ROBO2: variants seen among roughly 807,000 people sequenced by gnomAD.
ROBO2 encodes roundabout homolog 2.
ROBO2 carries 53 observed loss-of-function variants against 160.8 expected under a neutral mutation model. The ratio of observed to expected loss-of-function variants is 0.33; its 90% CI spans 0.26 to 0.41. The LOEUF (loss-of-function observed/expected upper bound fraction) is 0.41, where lower values mean the gene tolerates loss of function less well. ROBO2 is among the 10% of genes least tolerant of loss of function. The pLI is 1.00. For synonymous variants in ROBO2, 664 were observed against 611.7 expected (o/e 1.09, Z -1.26); for missense variants, 1,577 against 1,722.4 (o/e 0.92, Z 1.49).
rs1178064382 is a variant in ROBO2 at position 76,887,193 on chromosome 3, C to CCTTTTTTTTTTTTTT, written c.110-210821_110-210820insCTTTTTTTTTTTTTT. ...ATTGCCCTGCCTTTGCTTCAGGAAG[C>CCTTTTTTTTTTTTTT]ATTTTTTTTTTTTTTTTTTTTTTTT... On this transcript the variant is annotated intron_variant, in intron 2 of 26. Transcript: ENST00000487694. Among the ~76,000 whole-genome samples the CCTTTTTTTTTTTTTT allele has an allele frequency of 5.7e-4, 69 of 120,412 alleles. 6 individuals are homozygous for CCTTTTTTTTTTTTTT. Among genetic ancestry groups the CCTTTTTTTTTTTTTT allele is most frequent in the East Asian group, 1.3e-3 (5 of 3,824 alleles). The allele number at this position is 120,412 out of a possible 152,430, so 79.0% of individuals were successfully genotyped here.
At chr3:77,438,271 G>A (rs1389317643) in intron 2 of ROBO2, among the ~76,000 whole-genome samples, 4 of 151,760 alleles carry the variant, frequency 2.6e-5, no homozygotes, top group Non-Finnish European at 5.9e-5. Context: ...GTTGACCTCT[G>A]AGAGGGATGA....
exon 7 of ROBO2, chr3:77,546,405 C>G: frequency 6.2e-7 from 1 of 1,613,398 alleles, no homozygotes; most frequent in Non-Finnish European, 8.5e-7. Context: ...TGACATTTCC[C>G]TGTGAAACTA....
intron 2 of ROBO2, among the ~76,000 whole-genome samples, chr3:76,209,183 T>C (rs1702989847): frequency 6.6e-6 from 1 of 152,208 alleles, no homozygotes; most frequent in Admixed American, 6.5e-5. Context: ...GGGCAATTGA[T>C]GCCCAGTCCC....
intron 13 of ROBO2, among the ~76,000 whole-genome samples, chr3:77,570,463 C>A (rs915657097): frequency 1.3e-5 from 2 of 151,902 alleles, no homozygotes; most frequent in African/African-American, 4.8e-5. Context: ...TTTTTCAGAG[C>A]AGAGTGTCTA....
intron 1 of ROBO2, among the ~76,000 whole-genome samples, chr3:75,925,213 T>C (rs1175657129): frequency 6.6e-6 from 1 of 151,748 alleles, no homozygotes; most frequent in Admixed American, 6.6e-5. Flanking sequence ...GGCAACATGG[T>C]GAAACCCCAT....
intron 16 of ROBO2, among the ~76,000 whole-genome samples, chr3:77,584,691 T>C (rs2093998254): frequency 6.6e-6 from 1 of 152,036 alleles, no homozygotes; most frequent in South Asian, 2.1e-4. Context: ...TTCTCTTTCT[T>C]AATTAGTCAT....
intron 2 of ROBO2, among the ~76,000 whole-genome samples, chr3:76,733,274 G>A (rs1001029656): frequency 4.6e-5 from 7 of 152,150 alleles, no homozygotes; most frequent in African/African-American, 1.2e-4. Context: ...GGGAGATTAC[G>A]TCAACTGAAC....
At chr3:76,178,394 TA>T (rs910956123) in intron 2 of ROBO2, among the ~76,000 whole-genome samples, 2 of 152,176 alleles carry the variant, frequency 1.3e-5, no homozygotes, top group African/African-American at 4.8e-5. Context: ...GGAGAGGCGA[TA>T]AGAAGACTTG....
At position 77,439,326 on chromosome 3, in the gene ROBO2, T is replaced by C. The variant is rs138402370; in HGVS notation, c.389-38088T>C. Reference sequence around the variant, plus strand: ...ATCAACTTTGCTCAGGATTTGAACATGATGATCAAGGAAATATATTTAAAA... The same window carrying C: ...ATCAACTTTGCTCAGGATTTGAACACGATGATCAAGGAAATATATTTAAAA... On this transcript the variant is annotated intron_variant, in intron 2 of 25. Transcript: ENST00000461745. 3.3e-3 allele frequency among the ~76,000 whole-genome samples: 495 copies of C among 152,122 alleles called. 5 individuals are homozygous for C. Among genetic ancestry groups the C allele is most frequent in the African/African-American group, 0.011 (471 of 41,518 alleles).
At chr3:76,246,679 G>A (rs941487326) in intron 2 of ROBO2, among the ~76,000 whole-genome samples, 1 of 152,044 alleles carries the variant, frequency 6.6e-6, no homozygotes, top group African/African-American at 2.4e-5. Context: ...AACTAGAAAA[G>A]GATTTATTTT....
chr3:76,731,805 T>C (rs2093641711), intron 2 of ROBO2, among the ~76,000 whole-genome samples: 1 of 152,198 alleles, frequency 6.6e-6, no homozygotes, highest in Non-Finnish European at 1.5e-5. Context: ...GGACGATGTC[T>C]TAGGAATTCA....
intron 2 of ROBO2, among the ~76,000 whole-genome samples, chr3:77,135,408 AT>A (rs925888147): frequency 4.0e-5 from 6 of 151,194 alleles, no homozygotes; most frequent in South Asian, 2.1e-4. Context: ...AATTTAATTA[AT>A]TTTTTTTTAG....
intron 2 of ROBO2, among the ~76,000 whole-genome samples, chr3:77,170,633 T>G (rs1424695337): frequency 6.6e-6 from 1 of 152,148 alleles, no homozygotes; most frequent in Non-Finnish European, 1.5e-5. Flanking sequence ...GGTCCTATTT[T>G]GCCCTAATTA....
intron 8 of ROBO2, among the ~76,000 whole-genome samples, chr3:77,553,091 G>C (rs2092978110): frequency 6.6e-6 from 1 of 151,940 alleles, no homozygotes; most frequent in African/African-American, 2.4e-5. Flanking sequence ...AAACAAGTCT[G>C]TTGGTGCCAT....
intron 2 of ROBO2, among the ~76,000 whole-genome samples, chr3:75,981,737 A>G (rs1326333061): frequency 1.3e-5 from 2 of 151,368 alleles, no homozygotes; most frequent in African/African-American, 4.8e-5. Context: ...TGGGGTATCC[A>G]TTCCCTAAGC....
chr3:76,310,569 T>C (rs1359587879), intron 2 of ROBO2, among the ~76,000 whole-genome samples: 2 of 152,220 alleles, frequency 1.3e-5, no homozygotes, highest in Admixed American at 6.5e-5. Flanking sequence ...TATGAATCAT[T>C]AGTGCCGATG....
chr3:76,291,649 G>T lies in ROBO2; in HGVS notation c.109+354047G>T, dbSNP rs551168494. Among the ~76,000 whole-genome samples, 14 of 152,088 alleles carry T rather than the reference G, an allele frequency of 9.2e-5. 1 individual carries two copies. The highest frequency in any genetic ancestry group is 2.1e-4 in the South Asian group (1 of 4,818). ...TAGTTTGAGATCTTTCTTATTTTCG[G>T]TGTAAGTGTTTAGTGCTTTACTTTC... On this transcript the variant is annotated intron_variant, in intron 2 of 26. Coordinates refer to the ROBO2 transcript ENST00000487694.
At chr3:77,219,507 A>ATATG (rs2085489314) in intron 2 of ROBO2, among the ~76,000 whole-genome samples, 2 of 142,338 alleles carry the variant, frequency 1.4e-5, no homozygotes, top group Non-Finnish European at 3.0e-5. Flanking sequence ...ATATATATAT[A>ATATG]TATATATCTG....
rs12489395 is a variant in ROBO2, at chr3:77,584,744, T to C, written c.2501-4007T>C. 2.2e-3 allele frequency among the ~76,000 whole-genome samples: 341 copies of C among 152,040 alleles called. 6 individuals carry two copies. Among genetic ancestry groups the C allele is most frequent in the Admixed American group, 0.021 (325 of 15,250 alleles). The stretch of plus-strand genomic sequence containing the variant: ...CTTAACCTGAGGGAAACCTACAATC[T>C]TGTCCTTCTGAGATTTTCTAAAATA... On this transcript the variant is annotated intron_variant, in intron 16 of 25. Transcript: ENST00000461745.
Sources: gnomAD v4.1 joint callset for allele counts (sites outside exome capture counted in the v4.1 genomes callset) on GRCh38, gnomAD v4.1.1 for gene constraint, MANE v1.5 for transcripts, NCBI Gene and HGNC (gene_info 2026-07-23, HGNC 2026-07-21) for gene names.